Variants in SNX24 observed in about 807,000 individuals in gnomAD.
SNX24 encodes the protein sorting nexin-24.
A neutral mutation model predicts 28.7 loss-of-function variants in SNX24; 22 were observed. That is an observed-to-expected ratio of 0.77 (90% confidence interval 0.55 to 1.10). The LOEUF (loss-of-function observed/expected upper bound fraction) is 1.10, where lower values mean the gene tolerates loss of function less well. SNX24 is among the 50% of genes least tolerant of loss of function. SNX24 has a pLI of 0.00. For synonymous variants in SNX24, 69 were observed against 71.5 expected (o/e 0.96, Z 0.18); for missense variants, 221 against 201.1 (o/e 1.10, Z -0.60).
chr5:122,978,095 TA>T (rs1761242302), intron 3 of SNX24, among the ~76,000 whole-genome samples: 1 of 152,204 alleles, frequency 6.6e-6, no homozygotes, highest in Non-Finnish European at 1.5e-5. Context: ...CAAATAGCAT[TA>T]CTCATTTTCC....
intron 1 of SNX24, among the ~76,000 whole-genome samples, chr5:122,933,822 T>C (rs1353950456): frequency 6.6e-6 from 1 of 151,892 alleles, no homozygotes; most frequent in Non-Finnish European, 1.5e-5. Context: ...CATTCAACTC[T>C]TTTTTTCTTT....
intron 1 of SNX24, among the ~76,000 whole-genome samples, chr5:122,903,762 T>A (rs1349825306): frequency 6.6e-6 from 1 of 152,220 alleles, no homozygotes; most frequent in Non-Finnish European, 1.5e-5. Flanking sequence ...ACTGCATGAA[T>A]CTGTTTGAGA....
intron 1 of SNX24, among the ~76,000 whole-genome samples, chr5:122,897,718 T>A (rs537787292): frequency 2.6e-5 from 4 of 152,206 alleles, no homozygotes; most frequent in African/African-American, 4.8e-5. Context: ...AGGTCCTCTA[T>A]ACATTTATGA....
chr5:122,874,519 G>T (rs1271355829), intron 1 of SNX24, among the ~76,000 whole-genome samples: 1 of 152,222 alleles, frequency 6.6e-6, no homozygotes, highest in African/African-American at 2.4e-5. Context: ...GCATTAAATA[G>T]GTGGGATTGT....
chr5:122,900,341 A>G (rs1234032025), intron 1 of SNX24, among the ~76,000 whole-genome samples: 2 of 152,336 alleles, frequency 1.3e-5, no homozygotes, highest in African/African-American at 2.4e-5. Context: ...TGTAGCAGCA[A>G]TTTTTAAAAT....
intron 3 of SNX24, among the ~76,000 whole-genome samples, chr5:122,953,671 T>C (rs2150131891): frequency 6.6e-6 from 1 of 152,348 alleles, no homozygotes; most frequent in South Asian, 2.1e-4. Flanking sequence ...ACAAAGGTTT[T>C]TCATGGAGTT....
intron 5 of SNX24, chr5:123,028,663 G>A (rs557752704): frequency 4.8e-4 from 380 of 794,886 alleles, no homozygotes; most frequent in Non-Finnish European, 6.6e-4. Flanking sequence ...AGGTACAGTC[G>A]TCTTTACAAC....
At chr5:122,851,550 G>A (rs1754919940) in intron 1 of SNX24, among the ~76,000 whole-genome samples, 2 of 152,196 alleles carry the variant, frequency 1.3e-5, no homozygotes, top group African/African-American at 4.8e-5. Flanking sequence ...GACTGCATGT[G>A]TTATGCGTAG....
At chr5:122,922,287 C>T (rs944968861) in intron 1 of SNX24, among the ~76,000 whole-genome samples, 2 of 152,124 alleles carry the variant, frequency 1.3e-5, no homozygotes, top group East Asian at 3.8e-4. Context: ...GGGTCTCACT[C>T]TGTCACCCAG....
At chr5:123,010,289 GA>G (rs1762547389), downstream of SNX24, among the ~76,000 whole-genome samples, 1 of 145,702 alleles carries the variant, frequency 6.9e-6, no homozygotes, top group South Asian at 2.1e-4. Flanking sequence ...AAAGATGATG[GA>G]ACTTTTTTTT....
intron 1 of SNX24, among the ~76,000 whole-genome samples, chr5:122,888,819 T>G (rs1173197844): frequency 1.3e-5 from 2 of 152,150 alleles, no homozygotes; most frequent in Admixed American, 1.3e-4. Flanking sequence ...CTGCTTCTGG[T>G]CTTGGAATTC....
At chr5:122,850,516 G>A (rs1327340145) in intron 1 of SNX24, among the ~76,000 whole-genome samples, 1 of 152,170 alleles carries the variant, frequency 6.6e-6, no homozygotes, top group African/African-American at 2.4e-5. Context: ...AGAAAGGAGA[G>A]GATGAAGGCT....
At chr5:122,851,157 T>A (rs1313053906) in intron 1 of SNX24, among the ~76,000 whole-genome samples, 1 of 151,994 alleles carries the variant, frequency 6.6e-6, no homozygotes, top group Non-Finnish European at 1.5e-5. Flanking sequence ...TAGACTTGAG[T>A]TTTTTGGTTT....
intron 1 of SNX24, among the ~76,000 whole-genome samples, chr5:122,878,291 T>G (rs1756320685): frequency 6.6e-6 from 1 of 151,980 alleles, no homozygotes; most frequent in Non-Finnish European, 1.5e-5. Flanking sequence ...GGAGACCCAG[T>G]GGCGGTTCTA....
intron 1 of SNX24, among the ~76,000 whole-genome samples, chr5:122,848,319 C>T (rs1052572085): frequency 6.6e-6 from 1 of 152,158 alleles, no homozygotes; most frequent in Non-Finnish European, 1.5e-5. Context: ...TAGTCTCAAA[C>T]TCCTAGGTTT....
intron 1 of SNX24, among the ~76,000 whole-genome samples, chr5:122,863,964 G>A (rs927516458): frequency 1.3e-5 from 2 of 152,140 alleles, no homozygotes; most frequent in African/African-American, 2.4e-5. Flanking sequence ...GCAGAGGAGC[G>A]ACATGATTCA....
intron 5 of SNX24, among the ~76,000 whole-genome samples, chr5:123,016,790 A>G (rs900947579): frequency 5.3e-5 from 8 of 152,252 alleles, no homozygotes; most frequent in South Asian, 2.1e-4. Flanking sequence ...TGTTGGTGCT[A>G]TTCATGGATG....
intron 1 of SNX24, among the ~76,000 whole-genome samples, chr5:122,892,334 A>G (rs1757009226): frequency 6.6e-6 from 1 of 152,172 alleles, no homozygotes. Context: ...CTTTTGACCC[A>G]GTGGTTAACT....
At position 122,956,410 on chromosome 5, in the gene SNX24, A is replaced by G. The variant is rs532276182; in HGVS notation, c.249+10251A>G. Among the ~76,000 whole-genome samples, 501 of 146,482 alleles carry G rather than the reference A, an allele frequency of 3.4e-3. 4 individuals carry two copies. Among genetic ancestry groups the G allele is most frequent in the African/African-American group, 0.012 (477 of 39,730 alleles). On this transcript the variant is annotated intron_variant, in intron 3 of 6. Transcript: ENST00000261369. Reference sequence around the variant, plus strand: ...CACACACACACACACACACACATACACAGCCACCATATTTTTTTTAGCTGT... The same window carrying G: ...CACACACACACACACACACACATACGCAGCCACCATATTTTTTTTAGCTGT...
Sources: allele counts gnomAD v4.1 joint callset (sites outside exome capture counted in the v4.1 genomes callset), GRCh38; gene constraint gnomAD v4.1.1; transcripts MANE v1.5; gene names NCBI Gene and HGNC (gene_info 2026-07-23, HGNC 2026-07-21).